Variants in FUCA1 observed in about 807,000 individuals in gnomAD.
FUCA1 encodes the protein alpha-L-fucosidase 1, also known as tissue alpha-L-fucosidase.
FUCA1 carries 52 observed loss-of-function variants against 56.8 expected under a neutral mutation model. That is an observed-to-expected ratio of 0.92 (90% confidence interval 0.73 to 1.15). The LOEUF (loss-of-function observed/expected upper bound fraction) is 1.15, where lower values mean the gene tolerates loss of function less well. FUCA1 is among the 50% of genes most tolerant of loss of function. FUCA1 has a pLI of 0.00. For synonymous variants in FUCA1, 230 were observed against 226.6 expected (o/e 1.02, Z -0.14); for missense variants, 568 against 592.6 (o/e 0.96, Z 0.43).
chr1:23,847,305 G>C (rs976711080), intron 6 of FUCA1, among the ~76,000 whole-genome samples: 3 of 151,184 alleles, frequency 2.0e-5, no homozygotes, highest in African/African-American at 7.3e-5. Context: ...ACAAGGACAA[G>C]ACATGCAATG....
intron 4 of FUCA1, among the ~76,000 whole-genome samples, chr1:23,859,408 AAC>A (rs1415504183): frequency 1.1e-4 from 16 of 152,028 alleles, no homozygotes; most frequent in Non-Finnish European, 2.9e-5. Context: ...CTCTACTAAA[AAC>A]ACAAAAATCA....
chr1:23,846,629 T>C (rs1485836895), intron 6 of FUCA1, among the ~76,000 whole-genome samples: 1 of 151,392 alleles, frequency 6.6e-6, no homozygotes, highest in Non-Finnish European at 1.5e-5. Flanking sequence ...TTGTCCAGGA[T>C]GGAGTGCAGT....
chr1:23,865,618 C>A lies in FUCA1; in HGVS notation c.397G>T (p.Val133Phe). 6.2e-7 allele frequency: 1 copy of A among 1,614,236 alleles called. No individual in the cohort carries two copies. Among genetic ancestry groups the A allele is most frequent in the Non-Finnish European group, 8.5e-7 (1 of 1,180,042 alleles). Residue 133 changes from valine (V) to phenylalanine (F), a missense_variant, in exon 2 of 8, where the codon GTT (valine) becomes TTT (phenylalanine). Physicochemically the swap from Val to Phe is conservative, Grantham distance 50. Transcript: ENST00000374479. ...LFQAAGAKYV[V>F]LTTKHHEGFT... ...CCTTCGTGATGCTTTGTCGTCAAAA[C>A]TACATACCTGTGGACAGCAAAACCA... is the stretch of plus-strand genomic sequence containing the variant.
Position 23,845,731 on chromosome 1 carries a change from A to G in FUCA1, c.1385T>C (p.Leu462Pro). The G allele has an allele frequency of 6.2e-7, 1 of 1,614,210 alleles. No homozygotes were observed. Among genetic ancestry groups the G allele is most frequent in the Non-Finnish European group, 8.5e-7 (1 of 1,180,024 alleles). Reference sequence around the variant, plus strand: ...CTCAAATGATTACTTCACTCCTGTCAGCTTTATAGTCCAAGCAAACTCTGC... The same window carrying G: ...CTCAAATGATTACTTCACTCCTGTCGGCTTTATAGTCCAAGCAAACTCTGC... ...VPAEFAWTIKLTGVK is the reference protein window; with the variant it reads ...VPAEFAWTIKPTGVK The change falls in exon 8 of 8, where the codon CTG (leucine) becomes CCG (proline). Residue 462 changes from leucine to proline, a missense_variant. Coordinates refer to ENST00000374479, the MANE Select transcript of FUCA1 (RefSeq NM_000147.5).
At chr1:23,862,416 C>T (rs1421819728) in intron 3 of FUCA1, among the ~76,000 whole-genome samples, 1 of 152,192 alleles carries the variant, frequency 6.6e-6, no homozygotes, top group Non-Finnish European at 1.5e-5. Context: ...ATCTGCCTGC[C>T]TCGGCCTCCC....
rs551134184 is a variant in FUCA1 at position 23,865,019 on chromosome 1, T to A, written c.524+472A>T. ...CACCCGACCAGTGAACTCTTAAAGA[T>A]CCAGACAGTGTTTTAGGTTTTGCAG... On this transcript the variant is annotated intron_variant, in intron 2 of 7. Transcript: ENST00000374479. 4.5e-4 allele frequency among the ~76,000 whole-genome samples: 68 copies of A among 152,230 alleles called. 1 individual carries two copies. The South Asian group carries it at 9.7e-3, about 22-fold the overall frequency.
chr1:23,862,663 C>G (rs192355612), intron 3 of FUCA1, among the ~76,000 whole-genome samples: 200 of 152,262 alleles, frequency 1.3e-3, no homozygotes, highest in Non-Finnish European at 2.1e-3. Context: ...TTACTTTGTA[C>G]CAGGCACCGT....
intron 6 of FUCA1, among the ~76,000 whole-genome samples, chr1:23,847,722 T>C (rs988160398): frequency 4.6e-5 from 7 of 152,148 alleles, no homozygotes; most frequent in Admixed American, 3.3e-4. Flanking sequence ...CTCTATTCTT[T>C]AAAAATTATC....
rs751151042 is a variant in FUCA1, at chr1:23,868,254, C to G, written c.33G>C (p.Ala11=). 6.4e-7 allele frequency: 1 copy of G among 1,558,422 alleles called. No individual in the cohort carries two copies. Among genetic ancestry groups the G allele is most frequent in the Non-Finnish European group, 8.7e-7 (1 of 1,153,300 alleles). Residue 11 remains alanine, a synonymous_variant, in exon 1 of 8, where the codon GCG becomes GCC. Coordinates refer to ENST00000374479, the MANE Select transcript of FUCA1 (RefSeq NM_000147.5). ...GCAGCAGCAGCAACAGCGCGGGACCCGCCGGCCGCGACCTCATCCCCGGAG... is the reference window on the plus strand; with the variant it reads ...GCAGCAGCAGCAACAGCGCGGGACCGGCCGGCCGCGACCTCATCCCCGGAG... MRAPGMRSRP[A]GPALLLLLLF...
At chr1:23,852,889 G>C (rs1315863075) in intron 5 of FUCA1, among the ~76,000 whole-genome samples, 1 of 151,516 alleles carries the variant, frequency 6.6e-6, no homozygotes, top group Non-Finnish European at 1.5e-5. Context: ...GCCTCTGCCC[G>C]GCCGCCACCC....
rs1325330166 is a variant in FUCA1, at chr1:23,868,271, T to C, written c.16A>G (p.Met6Val). 17 of 1,552,984 alleles carry C rather than the reference T, an allele frequency of 1.1e-5. No homozygotes were observed. Among genetic ancestry groups the C allele is most frequent in the African/African-American group, 2.7e-5 (2 of 73,280 alleles). MRAPGMRSRPAGPALL... is the reference protein window; with the variant it reads MRAPGVRSRPAGPALL... ...GCGGGACCCGCCGGCCGCGACCTCA[T>C]CCCCGGAGCCCGCATCGCTACCCCT... Residue 6 changes from methionine (M) to valine (V), a missense_variant, in exon 1 of 8, where the codon ATG becomes GTG. By Grantham distance (21) the Met-to-Val change is conservative. Transcript: ENST00000374479.
At chr1:23,865,060 T>A (rs919735501) in intron 2 of FUCA1, among the ~76,000 whole-genome samples, 1 of 152,186 alleles carries the variant, frequency 6.6e-6, no homozygotes, top group Non-Finnish European at 1.5e-5. Flanking sequence ...TTGGTCTCTA[T>A]CTCAGCTCTC....
Position 23,845,842 on chromosome 1 carries a change from C to T in FUCA1, c.1274G>A (p.Gly425Glu), listed in dbSNP as rs150422575. 146 of 1,614,096 alleles carry T rather than the reference C, an allele frequency of 9.0e-5. No homozygotes were observed. The African/African-American group carries it at 1.2e-3, about 13-fold the overall frequency. Residue 425 changes from glycine (G) to glutamate (E), a missense_variant, in exon 8 of 8, where the codon GGA becomes GAA. Physicochemically the swap from Gly to Glu is moderately conservative, Grantham distance 98. Transcript: ENST00000374479. The stretch of plus-strand genomic sequence containing the variant: ...GGACCACTTCAGATCTCCTTGAATT[C>T]CCAGCATTGTTATCTGCAGAAAACA... ...TTSTTKITML[G>E]IQGDLKWSTD...
chr1:23,846,231 C>T (rs1273943682), intron 6 of FUCA1, 58 bp from the exon 7 acceptor site: 1 of 1,029,232 alleles, frequency 9.7e-7, no homozygotes, highest in East Asian at 2.4e-5. Context: ...TGATATACAA[C>T]TTTATACATT....
Position 23,845,581 on chromosome 1 carries a change from T to C in FUCA1, c.*134A>G. ...CATCAGGGTAATGTACTCAGTTCCT[T>C]TAATTAAAATGTGTTGGAAAAGCCA... On this transcript the variant is annotated 3_prime_UTR_variant, in exon 8 of 8. Transcript: ENST00000374479. 9.6e-7 allele frequency: 1 copy of C among 1,037,672 alleles called. No individual in the cohort carries two copies. The highest frequency in any genetic ancestry group is 1.8e-5 in the Admixed American group (1 of 54,962). 64.3% of individuals were successfully genotyped at this position (1,037,672 alleles called of 1,614,324 possible). A position where few individuals can be genotyped will look rare whatever the true frequency, so the allele number is the denominator to read the frequency against.
At chr1:23,862,475 T>C (rs1020069203) in intron 3 of FUCA1, among the ~76,000 whole-genome samples, 2 of 152,080 alleles carry the variant, frequency 1.3e-5, no homozygotes, top group African/African-American at 2.4e-5. Context: ...CTAAAGGTGA[T>C]TTTCCTTTGC....
intron 4 of FUCA1, among the ~76,000 whole-genome samples, chr1:23,857,651 C>A (rs1639421404): frequency 6.6e-6 from 1 of 151,460 alleles, no homozygotes; most frequent in Admixed American, 6.6e-5. Flanking sequence ...TGCCCACCAC[C>A]ACGCCCGACT....
intron 5 of FUCA1, among the ~76,000 whole-genome samples, chr1:23,853,424 C>G (rs1204407300): frequency 6.8e-6 from 1 of 146,608 alleles, no homozygotes; most frequent in Non-Finnish European, 1.5e-5. Context: ...CCAGCCGCCC[C>G]GTCCGGGAGG....
At chr1:23,865,761 G>T in intron 1 of FUCA1, 136 bp from the exon 2 acceptor site, 1 of 978,958 alleles carries the variant, frequency 1.0e-6, no homozygotes, top group Non-Finnish European at 1.6e-6. Context: ...GACTATATTA[G>T]TGATATCCAG....
Sources: gnomAD v4.1 joint callset for allele counts (sites outside exome capture counted in the v4.1 genomes callset) on GRCh38, gnomAD v4.1.1 for gene constraint, MANE v1.5 for transcripts, NCBI Gene and HGNC (gene_info 2026-07-23, HGNC 2026-07-21) for gene names.